The following C13orf42 variants were observed in gnomAD, a reference collection of about 807,000 sequenced individuals.
C13orf42 encodes uncharacterized protein C13orf42.
chr13:51,164,487 C>A (rs1217302380), intron 1 of C13orf42, among the ~76,000 whole-genome samples: 2 of 152,054 alleles, frequency 1.3e-5, no homozygotes, highest in Non-Finnish European at 2.9e-5. Context: ...CATAGTGAGA[C>A]CCCCATCTCT....
intron 1 of C13orf42, among the ~76,000 whole-genome samples, chr13:51,171,380 C>G (rs1239282311): frequency 3.4e-4 from 51 of 151,258 alleles, no homozygotes; most frequent in African/African-American, 1.2e-3. Flanking sequence ...TCCAGGCATT[C>G]TTTTACACAT....
rs889720864 is a variant in C13orf42, at chr13:51,111,145, G to C, written c.65C>G (p.Pro22Arg). The C allele has an allele frequency of 5.0e-6, 2 of 398,598 alleles. No homozygotes were observed. Among genetic ancestry groups the C allele is most frequent in the African/African-American group, 4.1e-5 (2 of 48,748 alleles). The allele number at this position is 398,598 out of a possible 1,614,324, so 24.7% of individuals were successfully genotyped here. A position where few individuals can be genotyped will look rare whatever the true frequency, so the allele number is the denominator to read the frequency against. ...TGCGGGGCTGGCTCCTTCGTAGAAGGGGCTCTCGGCCGCCGTCTTTCTCTG... is the reference window on the plus strand; with the variant it reads ...TGCGGGGCTGGCTCCTTCGTAGAAGCGGCTCTCGGCCGCCGTCTTTCTCTG... ...SPQRKTAAES[P>R]FYEGASPAVK... Residue 22 changes from proline (P) to arginine (R), a missense_variant, in exon 1 of 4, where the codon CCC becomes CGC. Transcript: ENST00000563710.
intron 1 of C13orf42, among the ~76,000 whole-genome samples, chr13:51,102,029 T>C (rs551993130): frequency 1.3e-5 from 2 of 152,204 alleles, no homozygotes; most frequent in Non-Finnish European, 2.9e-5. Flanking sequence ...AGGAATCATA[T>C]GCACAGTTAT....
chr13:51,154,780 T>C (rs1593555082), intron 1 of C13orf42, among the ~76,000 whole-genome samples: 1 of 152,226 alleles, frequency 6.6e-6, no homozygotes, highest in Admixed American at 6.5e-5. Context: ...CAGTAAACAA[T>C]GCATGGAAGG....
At chr13:51,146,872 C>G (rs1953739931) in intron 1 of C13orf42, among the ~76,000 whole-genome samples, 1 of 152,148 alleles carries the variant, frequency 6.6e-6, no homozygotes, top group African/African-American at 2.4e-5. Flanking sequence ...TTTCACATTG[C>G]CCAGAGCTCT....
At chr13:51,124,277 C>T (rs941243003) in intron 1 of C13orf42, among the ~76,000 whole-genome samples, 3 of 152,132 alleles carry the variant, frequency 2.0e-5, no homozygotes, top group African/African-American at 4.8e-5. Context: ...AAACCCTGAT[C>T]CCCAAGTTTC....
intron 1 of C13orf42, among the ~76,000 whole-genome samples, chr13:51,169,189 A>G (rs532690777): frequency 1.3e-5 from 2 of 152,356 alleles, no homozygotes; most frequent in East Asian, 3.9e-4. Context: ...GAAGACAGGA[A>G]GATGAGGGAA....
At chr13:51,170,215 G>T (rs960107223) in intron 1 of C13orf42, among the ~76,000 whole-genome samples, 1 of 152,102 alleles carries the variant, frequency 6.6e-6, no homozygotes. Flanking sequence ...TCCGTTTGCT[G>T]ACTCTTTTCG....
intron 1 of C13orf42, among the ~76,000 whole-genome samples, chr13:51,156,518 T>C (rs1953825130): frequency 6.6e-6 from 1 of 152,198 alleles, no homozygotes; most frequent in African/African-American, 2.4e-5. Flanking sequence ...CCAGGAAATC[T>C]GTCTTCAGAG....
chr13:51,129,470 G>C (rs1953599217), intron 1 of C13orf42, among the ~76,000 whole-genome samples: 2 of 152,088 alleles, frequency 1.3e-5, no homozygotes, highest in South Asian at 4.1e-4. Flanking sequence ...TGACCGACAA[G>C]GGACCGCCTG....
At chr13:51,120,499 G>A (rs1369304868) in intron 1 of C13orf42, among the ~76,000 whole-genome samples, 1 of 152,152 alleles carries the variant, frequency 6.6e-6, no homozygotes, top group Non-Finnish European at 1.5e-5. Flanking sequence ...TGTGTTAAAT[G>A]AGATTCAACC....
chr13:51,092,826 T>C (rs1486565000), intron 1 of C13orf42, among the ~76,000 whole-genome samples: 4 of 152,110 alleles, frequency 2.6e-5, no homozygotes, highest in African/African-American at 9.7e-5. Flanking sequence ...AATTTTTCAA[T>C]ACAAAAACTA....
At chr13:51,116,463 A>G (rs1166576842) in intron 1 of C13orf42, among the ~76,000 whole-genome samples, 3 of 152,242 alleles carry the variant, frequency 2.0e-5, no homozygotes, top group African/African-American at 7.2e-5. Context: ...TCAATTTAGA[A>G]AAAGTGCTCT....
chr13:51,142,093 A>G (rs1268164688), intron 1 of C13orf42, among the ~76,000 whole-genome samples: 1 of 152,264 alleles, frequency 6.6e-6, no homozygotes, highest in Non-Finnish European at 1.5e-5. Context: ...AATTTAATAA[A>G]TAAGACATTG....
At chr13:51,171,650 A>G (rs1325815788) in intron 1 of C13orf42, among the ~76,000 whole-genome samples, 2 of 152,024 alleles carry the variant, frequency 1.3e-5, no homozygotes, top group African/African-American at 4.8e-5. Context: ...TCGGGCTTAC[A>G]GTTTCGTTCG....
intron 1 of C13orf42, 76 bp downstream of exon 1, chr13:51,110,720 G>A: frequency 2.5e-6 from 1 of 397,762 alleles, no homozygotes; most frequent in Non-Finnish European, 4.4e-6. Flanking sequence ...TGCAGAGGTA[G>A]GAAGAAGCTT....
At chr13:51,106,837 A>T (rs1319312835) in intron 1 of C13orf42, among the ~76,000 whole-genome samples, 1 of 152,196 alleles carries the variant, frequency 6.6e-6, no homozygotes, top group Non-Finnish European at 1.5e-5. Context: ...TGGGTTAGAA[A>T]TTCTAACCTT....
intron 1 of C13orf42, among the ~76,000 whole-genome samples, chr13:51,152,832 A>C (rs922553880): frequency 2.6e-5 from 4 of 152,198 alleles, no homozygotes; most frequent in Non-Finnish European, 5.9e-5. Flanking sequence ...TTTAAGGCTC[A>C]CTGGCTTAGT....
intron 3 of C13orf42, among the ~76,000 whole-genome samples, chr13:51,084,777 G>A (rs546049958): frequency 1.4e-4 from 22 of 152,302 alleles, no homozygotes; most frequent in Admixed American, 6.5e-4. Context: ...GGAATTTGAC[G>A]GTTAGTGATG....
Sources: allele counts gnomAD v4.1 joint callset (sites outside exome capture counted in the v4.1 genomes callset), GRCh38; gene constraint gnomAD v4.1.1; transcripts MANE v1.5; gene names NCBI Gene and HGNC (gene_info 2026-07-23, HGNC 2026-07-21).